The following TCF4 variants were observed in gnomAD, a reference collection of about 807,000 sequenced individuals.
TCF4 encodes SL3-3 enhancer factor 2.
TCF4 carries 3 observed loss-of-function variants against 82.1 expected under a neutral mutation model. The ratio of observed to expected loss-of-function variants is 0.04; its 90% CI spans 0.02 to 0.09. TCF4 has a LOEUF of 0.09. Among genes scored for constraint, TCF4 ranks in the 10% least tolerant of loss-of-function variants. The probability of loss-of-function intolerance (pLI) is 1.00; values close to 1 mark genes in which losing one functional copy is unlikely to be tolerated. For synonymous variants in TCF4, 276 were observed against 309.6 expected (o/e 0.89, Z 1.14); for missense variants, 518 against 852.7 (o/e 0.61, Z 4.89).
At chr18:55,531,371 A>G (rs1419354804) in intron 3 of TCF4, among the ~76,000 whole-genome samples, 1 of 152,218 alleles carries the variant, frequency 6.6e-6, no homozygotes, top group Non-Finnish European at 1.5e-5. Context: ...CCCAGTGTTT[A>G]CCATGATGAT....
chr18:55,583,531 T>C (rs1408328015), intron 3 of TCF4, among the ~76,000 whole-genome samples: 1 of 152,130 alleles, frequency 6.6e-6, no homozygotes. Flanking sequence ...AGACATACAG[T>C]TGTCTTTTTA....
At chr18:55,278,559 T>C (rs2061912227) in intron 9 of TCF4, among the ~76,000 whole-genome samples, 1 of 81,284 alleles carries the variant, frequency 1.2e-5, no homozygotes, top group Non-Finnish European at 2.9e-5. Context: ...TATTTATTTG[T>C]TTGTTTATTT....
chr18:55,589,291 C>G, upstream of TCF4: 1 of 1,050,884 alleles, frequency 9.5e-7, no homozygotes, highest in Non-Finnish European at 1.1e-6. Context: ...CAAATTGAAA[C>G]GTTACCTTAA....
In TCF4 at chr18:55,232,589, C is replaced by A. The variant is rs1398962070; in HGVS notation, c.1569G>T (p.Leu523=). Residue 523 remains leucine, a synonymous_variant, in exon 17 of 20, where the codon CTG becomes CTT. Coordinates refer to ENST00000354452, the MANE Select transcript of TCF4 (RefSeq NM_001083962.2). ...IKSDDEGDEN[L]QDTKSSEDKK... is the part of the protein sequence containing the mutation. ...TGTCCTCCGAAGATTTCGTGTCTTG[C>A]AGGTTCTCATCACCCTCGTCATCGG... 6.2e-7 allele frequency: 1 copy of A among 1,614,164 alleles called. No homozygotes were observed. Among genetic ancestry groups the A allele is most frequent in the South Asian group, 1.1e-5 (1 of 91,076 alleles).
At chr18:55,313,814 A>G (rs1181932874) in intron 8 of TCF4, among the ~76,000 whole-genome samples, 4 of 152,210 alleles carry the variant, frequency 2.6e-5, no homozygotes, top group Non-Finnish European at 5.9e-5. Flanking sequence ...TGGTAATGTT[A>G]CACAACTTTT....
chr18:55,467,153 C>G (rs1306886803), intron 3 of TCF4, among the ~76,000 whole-genome samples: 2 of 152,138 alleles, frequency 1.3e-5, no homozygotes, highest in Non-Finnish European at 2.9e-5. Flanking sequence ...ATCTATAGGA[C>G]CGGTGCTCAT....
rs1054514335 is a variant in TCF4 at position 55,224,901 on chromosome 18, T to C, written c.*3134A>G. 3 of 152,552 alleles carry C rather than the reference T, an allele frequency of 2.0e-5. No individual in the cohort carries two copies. The highest frequency in any genetic ancestry group is 2.9e-5 in the Non-Finnish European group (2 of 68,028). The allele number at this position is 152,552 out of a possible 1,614,324, so 9.4% of individuals were successfully genotyped here. A position where few individuals can be genotyped will look rare whatever the true frequency, so the allele number is the denominator to read the frequency against. ...TTCTGAAAGAGATCCCCAGCCTAAG[T>C]GTCGTCATACAGATAGCGTAGTATG... On this transcript the variant is annotated 3_prime_UTR_variant, in exon 20 of 20. Transcript: ENST00000354452.
chr18:55,416,734 A>C (rs2094538849), intron 5 of TCF4, among the ~76,000 whole-genome samples: 1 of 152,200 alleles, frequency 6.6e-6, no homozygotes, highest in Non-Finnish European at 1.5e-5. Flanking sequence ...CATTATTCCT[A>C]AGCTCTCAGT....
intron 8 of TCF4, among the ~76,000 whole-genome samples, chr18:55,320,647 G>A (rs370991279): frequency 6.6e-6 from 1 of 152,194 alleles, no homozygotes; most frequent in Non-Finnish European, 1.5e-5. Context: ...TGAAAGCTCT[G>A]ATCTGTCCCC....
Position 55,412,766 on chromosome 18 carries a change from T to C in TCF4, c.305-9248A>G, listed in dbSNP as rs145675626. On this transcript the variant is annotated intron_variant, in intron 5 of 19. Coordinates refer to ENST00000354452, the MANE Select transcript of TCF4 (RefSeq NM_001083962.2). ...AAATATTTTGGAATTTATTGGAAAATATGAAGGAAATCAGCAGCCGCATTT... is the reference window on the plus strand; with the variant it reads ...AAATATTTTGGAATTTATTGGAAAACATGAAGGAAATCAGCAGCCGCATTT... Among the ~76,000 whole-genome samples, 3 of 152,214 alleles carry C rather than the reference T, an allele frequency of 2.0e-5. No homozygotes were observed. The East Asian group carries it at 5.8e-4, about 29-fold the overall frequency.
At chr18:55,283,793 G>T (rs1222559173) in intron 8 of TCF4, among the ~76,000 whole-genome samples, 3 of 152,200 alleles carry the variant, frequency 2.0e-5, no homozygotes, top group African/African-American at 4.8e-5. Flanking sequence ...TGTGTGTAAA[G>T]AAACTAGAAT....
intron 5 of TCF4, among the ~76,000 whole-genome samples, chr18:55,444,069 A>G (rs2095485838): frequency 6.6e-6 from 1 of 152,238 alleles, no homozygotes; most frequent in African/African-American, 2.4e-5. Flanking sequence ...GCATCACACC[A>G]TCTCACTTCC....
In TCF4 at chr18:55,538,026, GCACACA is replaced by G. The variant is rs57686777; in HGVS notation, c.145+47248_145+47253del. Reference sequence around the variant, plus strand: ...CTGGATTTTGCTAGTCTGCGCGCGCGCACACACACACACACACACACACACACACAC... The same window carrying G: ...CTGGATTTTGCTAGTCTGCGCGCGCGCACACACACACACACACACACACAC... On this transcript the variant is annotated intron_variant, in intron 3 of 19. Coordinates refer to ENST00000354452, the MANE Select transcript of TCF4 (RefSeq NM_001083962.2). Among the ~76,000 whole-genome samples the G allele has an allele frequency of 3.0e-3, 396 of 131,566 alleles. 2 individuals carry two copies. Among genetic ancestry groups the G allele is most frequent in the Middle Eastern group, 7.6e-3 (2 of 264 alleles). 86.3% of individuals were successfully genotyped at this position (131,566 alleles called of 152,430 possible).
chr18:55,291,111 A>G (rs1018347039), intron 8 of TCF4, among the ~76,000 whole-genome samples: 1 of 152,154 alleles, frequency 6.6e-6, no homozygotes, highest in Non-Finnish European at 1.5e-5. Context: ...CAGGAACATA[A>G]GCTTGGAGCG....
chr18:55,498,247 AG>A (rs2096659293), intron 3 of TCF4, among the ~76,000 whole-genome samples: 1 of 152,216 alleles, frequency 6.6e-6, no homozygotes, highest in Non-Finnish European at 1.5e-5. Context: ...GCAATATTTA[AG>A]GGGGTGCTCA....
At chr18:55,298,715 C>T (rs2067238049) in intron 8 of TCF4, among the ~76,000 whole-genome samples, 1 of 152,144 alleles carries the variant, frequency 6.6e-6, no homozygotes, top group Non-Finnish European at 1.5e-5. Context: ...CACTTAATTG[C>T]CAGTTGCTCT....
chr18:55,592,987 T>C (rs1161443045), upstream of TCF4, among the ~76,000 whole-genome samples: 1 of 152,198 alleles, frequency 6.6e-6, no homozygotes, highest in Non-Finnish European at 1.5e-5. Context: ...CCAGGTGAGC[T>C]AACCTAAGTA....
At chr18:55,627,301 G>A (rs1238926930) in intron 2 of TCF4, among the ~76,000 whole-genome samples, 1 of 152,132 alleles carries the variant, frequency 6.6e-6, no homozygotes, top group Non-Finnish European at 1.5e-5. Flanking sequence ...GAGTGATAGA[G>A]AGAAAAGCCA....
chr18:55,297,461 G>A (rs1049987138), intron 8 of TCF4, among the ~76,000 whole-genome samples: 4 of 118,068 alleles, frequency 3.4e-5, no homozygotes, highest in Non-Finnish European at 6.8e-5. Context: ...TTAAAGGGAG[G>A]TGGTGAGCTA....
Sources: gnomAD v4.1 joint callset for allele counts (sites outside exome capture counted in the v4.1 genomes callset) on GRCh38, gnomAD v4.1.1 for gene constraint, MANE v1.5 for transcripts, NCBI Gene and HGNC (gene_info 2026-07-23, HGNC 2026-07-21) for gene names.